MFHAS1: variants seen among roughly 807,000 people sequenced by gnomAD.
MFHAS1 encodes the protein malignant fibrous histiocytoma-amplified sequence 1.
MFHAS1 carries 50 observed loss-of-function variants against 70.4 expected under a neutral mutation model. That is an observed-to-expected ratio of 0.71 (90% CI 0.57 to 0.90). The LOEUF is 0.90. MFHAS1 is among the 40% of genes least tolerant of loss of function. The pLI is 0.00. For missense variants in MFHAS1, 1,795 were observed against 1,347.6 expected, an observed-to-expected ratio of 1.33 and a Z score of -5.20; for synonymous variants, 952 against 620.0, an observed-to-expected ratio of 1.54 and a Z score of -7.96.
intron 2 of MFHAS1, among the ~76,000 whole-genome samples, chr8:8,787,376 G>A (rs551279855): frequency 1.1e-4 from 16 of 152,166 alleles, no homozygotes; most frequent in Admixed American, 2.0e-4. Flanking sequence ...CACTGCGCCC[G>A]GCCTCAGCAT....
chr8:8,876,255 T>A (rs1809289859), intron 1 of MFHAS1, among the ~76,000 whole-genome samples: 1 of 152,200 alleles, frequency 6.6e-6, no homozygotes, highest in Non-Finnish European at 1.5e-5. Context: ...TTATAATGCT[T>A]CAATTTGAAA....
chr8:8,830,892 C>G (rs1807361509), intron 1 of MFHAS1, among the ~76,000 whole-genome samples: 1 of 152,170 alleles, frequency 6.6e-6, no homozygotes, highest in Admixed American at 6.5e-5. Context: ...CCACCGTGCC[C>G]AGCCAATATT....
At chr8:8,812,510 G>GC (rs1363342856) in intron 1 of MFHAS1, among the ~76,000 whole-genome samples, 1 of 152,188 alleles carries the variant, frequency 6.6e-6, no homozygotes, top group Non-Finnish European at 1.5e-5. Context: ...GACAGGGCTT[G>GC]CCTCCTTCAT....
chr8:8,856,839 A>G (rs1036145555), intron 1 of MFHAS1, among the ~76,000 whole-genome samples: 1 of 152,136 alleles, frequency 6.6e-6, no homozygotes, highest in Admixed American at 6.5e-5. Context: ...ATTGCTGCAC[A>G]CGGGAAACCT....
chr8:8,799,830 G>A (rs1011166166), intron 1 of MFHAS1, among the ~76,000 whole-genome samples: 4 of 152,206 alleles, frequency 2.6e-5, no homozygotes, highest in Non-Finnish European at 5.9e-5. Flanking sequence ...GATAGCGCAG[G>A]CCCATATCAG....
intron 1 of MFHAS1, among the ~76,000 whole-genome samples, chr8:8,875,815 G>C (rs2009455): frequency 0.9 from 137,424 of 152,192 alleles, 62,481 homozygotes; most frequent in South Asian, 0.96. Context: ...TCTCGAACTC[G>C]TGACCTCGTG....
rs1563220612 is a variant in MFHAS1, at chr8:8,885,120, A to T, written c.2998+4941T>A. Among the ~76,000 whole-genome samples, 2 of 152,236 alleles carry T rather than the reference A, an allele frequency of 1.3e-5. 1 individual carries two copies. Among genetic ancestry groups the T allele is most frequent in the East Asian group, 3.9e-4 (2 of 5,180 alleles). On this transcript the variant is annotated intron_variant, in intron 1 of 2. Transcript: ENST00000276282. ...ATCATGACGCAACCAAACACCAACAAAACAAGTCAAATATGCTGTGTTGTC... is the reference window on the plus strand; with the variant it reads ...ATCATGACGCAACCAAACACCAACATAACAAGTCAAATATGCTGTGTTGTC...
In MFHAS1 at chr8:8,834,146, C is replaced by CA. The variant is rs1563196035; in HGVS notation, c.2999-36656dup. On this transcript the variant is annotated intron_variant, in intron 1 of 2. Transcript: ENST00000276282. Reference sequence around the variant, plus strand: ...GTCAAAAAAAACAAAAAAAACAAAACAAACAAACAAACAAACAAAAAACAG... The same window carrying CA: ...GTCAAAAAAAACAAAAAAAACAAAACAAAACAAACAAACAAACAAAAAACAG... 2.0e-4 allele frequency among the ~76,000 whole-genome samples: 30 copies of CA among 151,068 alleles called. No homozygotes were observed. The South Asian group carries it at 2.3e-3, about 12-fold the overall frequency.
intron 1 of MFHAS1, among the ~76,000 whole-genome samples, chr8:8,863,299 C>G (rs1252694757): frequency 6.6e-6 from 1 of 152,180 alleles, no homozygotes; most frequent in African/African-American, 2.4e-5. Flanking sequence ...AATTTAATAA[C>G]TGTGGGACAA....
At chr8:8,841,447 G>A (rs1807820125) in intron 1 of MFHAS1, among the ~76,000 whole-genome samples, 2 of 150,038 alleles carry the variant, frequency 1.3e-5, no homozygotes, top group Admixed American at 6.7e-5. Context: ...CAGCCTGGGC[G>A]ACAGATCAAG....
chr8:8,882,517 C>T, intron 1 of MFHAS1, among the ~76,000 whole-genome samples: 1 of 152,246 alleles, frequency 6.6e-6, no homozygotes, highest in South Asian at 2.1e-4. Context: ...GAGGCTGAGG[C>T]AGAAGAATCA....
intron 1 of MFHAS1, among the ~76,000 whole-genome samples, chr8:8,883,545 T>C (rs1201358287): frequency 6.6e-6 from 1 of 151,472 alleles, no homozygotes; most frequent in Admixed American, 6.6e-5. Flanking sequence ...TCGTTTCTAC[T>C]AAAATTACAA....
chr8:8,880,189 C>T (rs1471546756), intron 1 of MFHAS1, among the ~76,000 whole-genome samples: 1 of 152,120 alleles, frequency 6.6e-6, no homozygotes. Context: ...CAGGCCTAGC[C>T]CCAAAACCCC....
chr8:8,787,065 T>C (rs1395294682), intron 2 of MFHAS1, among the ~76,000 whole-genome samples: 7 of 149,264 alleles, frequency 4.7e-5, no homozygotes, highest in Non-Finnish European at 7.4e-5. Context: ...GTAAGCTCCA[T>C]CTTACTCAGT....
intron 1 of MFHAS1, among the ~76,000 whole-genome samples, chr8:8,880,686 T>G (rs977725110): frequency 7.0e-6 from 1 of 142,250 alleles, no homozygotes; most frequent in South Asian, 2.2e-4. Context: ...CCTTTTTTGT[T>G]TTTTTTTTTT....
intron 2 of MFHAS1, among the ~76,000 whole-genome samples, chr8:8,790,080 T>G (rs1228169041): frequency 6.6e-6 from 1 of 152,218 alleles, no homozygotes; most frequent in Non-Finnish European, 1.5e-5. Context: ...GACTTCCTTT[T>G]TTGAACAAGG....
intron 1 of MFHAS1, among the ~76,000 whole-genome samples, chr8:8,883,707 CAAAAAAAAA>C (rs35799658): frequency 2.4e-4 from 7 of 29,588 alleles, no homozygotes; most frequent in Non-Finnish European, 3.7e-4. Flanking sequence ...GACTCAGTCT[CAAAAAAAAA>C]AAAAAAAAAA....
intron 1 of MFHAS1, among the ~76,000 whole-genome samples, chr8:8,857,614 G>T (rs1808492387): frequency 6.6e-6 from 1 of 151,978 alleles, no homozygotes. Context: ...ATAAAAATTA[G>T]CCAGGCATGG....
chr8:8,872,681 T>A (rs1809123047), intron 1 of MFHAS1, among the ~76,000 whole-genome samples: 1 of 152,128 alleles, frequency 6.6e-6, no homozygotes, highest in Admixed American at 6.6e-5. Flanking sequence ...AAGCTCTGGC[T>A]GGCTGCAGTG....
Sources: allele counts gnomAD v4.1 joint callset (sites outside exome capture counted in the v4.1 genomes callset), GRCh38; gene constraint gnomAD v4.1.1; transcripts MANE v1.5; gene names NCBI Gene and HGNC (gene_info 2026-07-23, HGNC 2026-07-21).